The following LRRC71 variants were observed in gnomAD, a reference collection of about 807,000 sequenced individuals.
LRRC71 encodes leucine-rich repeat-containing protein 71.
Under a neutral mutation model 66.6 loss-of-function variants are expected in LRRC71, and 54 were observed. The observed-to-expected ratio is 0.81, with a 90% CI of 0.65 to 1.02. The LOEUF (loss-of-function observed/expected upper bound fraction) is 1.02. Ranked by LOEUF, LRRC71 falls within the 50% of genes least tolerant of loss-of-function variation. The probability of loss-of-function intolerance (pLI) is 0.00; values close to 1 mark genes in which losing one functional copy is unlikely to be tolerated. For synonymous variants in LRRC71, 323 were observed against 303.9 expected (o/e 1.06, Z -0.65); for missense variants, 724 against 718.0 (o/e 1.01, Z -0.10).
downstream of LRRC71, chr1:156,937,203 GTGA>G (rs1279935494): frequency 6.2e-7 from 1 of 1,611,660 alleles, no homozygotes; most frequent in East Asian, 2.2e-5. Flanking sequence ...TGGTTTTGGG[GTGA>G]TGGACTGAAG....
chr1:156,936,525 T>TATATATATATATAA (rs1281791788), downstream of LRRC71, among the ~76,000 whole-genome samples: 1 of 110,510 alleles, frequency 9.0e-6, no homozygotes, highest in South Asian at 2.9e-4. Flanking sequence ...TATATATATA[T>TATATATATATATAA]AAAATTAAAA....
chr1:156,929,253 C>T (rs751680137), intron 9 of LRRC71, 27 bp from the exon 10 acceptor site: 17 of 1,580,760 alleles, frequency 1.1e-5, no homozygotes, highest in East Asian at 9.3e-5. Flanking sequence ...GGCTTCTTCC[C>T]CCCTTCCCTC....
In LRRC71 at chr1:156,920,786, G is replaced by A. The variant is rs941522743; in HGVS notation, c.-18G>A. Reference sequence around the variant, plus strand: ...CTGCCCCGACGAAGGTCCCAGAGACGCTGCGGACAACACCAGCATGTCGAG... The same window carrying A: ...CTGCCCCGACGAAGGTCCCAGAGACACTGCGGACAACACCAGCATGTCGAG... On this transcript the variant is annotated 5_prime_UTR_variant, in exon 1 of 15. Transcript: ENST00000337428. The surrounding 1 kb of genome is among the most constrained non-coding windows in gnomAD (Gnocchi z 4.9). The A allele has an allele frequency of 3.3e-6, 5 of 1,495,220 alleles. No individual in the cohort carries two copies. Among genetic ancestry groups the A allele is most frequent in the Non-Finnish European group, 4.5e-6 (5 of 1,118,246 alleles). 92.6% of individuals were successfully genotyped at this position (1,495,220 alleles called of 1,614,324 possible). A position where few individuals can be genotyped will look rare whatever the true frequency, so the allele number is the denominator to read the frequency against.
At position 156,920,848 on chromosome 1, in the gene LRRC71, G is replaced by C. The variant is rs1056118904; in HGVS notation, c.45G>C (p.Pro15=). ...CGCCGGGGGCCTCACCCAGGGCCCC[G>C]CGTCCGGGGACCCAGAAGTCTTCTG... ...QSAPGASPRA[P]RPGTQKSSGA... Residue 15 remains proline (P), a synonymous_variant, in exon 1 of 15, where the codon CCG becomes CCC. Transcript: ENST00000337428. The surrounding 1 kb of genome is among the most constrained non-coding windows in gnomAD (Gnocchi z 4.9). The C allele has an allele frequency of 6.5e-7, 1 of 1,537,178 alleles. No homozygotes were observed. Among genetic ancestry groups the C allele is most frequent in the East Asian group, 2.5e-5 (1 of 40,214 alleles).
downstream of LRRC71, chr1:156,935,956 C>T (rs1329429250): frequency 5.0e-6 from 8 of 1,590,342 alleles, no homozygotes; most frequent in Non-Finnish European, 6.0e-6. Context: ...AGGCCAGTCC[C>T]TGAAGGAGGA....
At chr1:156,929,473 G>C in intron 10 of LRRC71, 44 bp downstream of exon 10, 2 of 1,612,252 alleles carry the variant, frequency 1.2e-6, no homozygotes, top group Non-Finnish European at 1.7e-6. Context: ...GACGGACAGG[G>C]GAGGGGGCTT....
intron 13 of LRRC71, 76 bp downstream of exon 13, chr1:156,932,103 G>A (rs909185357): frequency 1.5e-5 from 18 of 1,162,014 alleles, no homozygotes; most frequent in Non-Finnish European, 2.1e-5. Context: ...TGTTTACCCC[G>A]ACTCTATGGA....
chr1:156,923,848 A>G (rs1652762031), intron 1 of LRRC71, 101 bp from the exon 2 acceptor site: 6 of 1,258,230 alleles, frequency 4.8e-6, no homozygotes, highest in Non-Finnish European at 6.4e-6. Flanking sequence ...AATGGCTGCA[A>G]AAATATCCGT....
the LRRC71 span, chr1:156,940,060 G>A: frequency 7.1e-7 from 1 of 1,414,342 alleles, no homozygotes; most frequent in Non-Finnish European, 9.4e-7. Flanking sequence ...GGGGTTGGGT[G>A]GGGAATGACA....
chr1:156,922,870 G>A (rs373854759), intron 1 of LRRC71, among the ~76,000 whole-genome samples: 4 of 152,276 alleles, frequency 2.6e-5, no homozygotes, highest in East Asian at 1.9e-4. Context: ...GAGAAGGGAG[G>A]TATGAGTGAA....
chr1:156,928,351 C>CTCTTCCTCTTCT (rs1653571640), intron 9 of LRRC71, among the ~76,000 whole-genome samples: 1 of 71,968 alleles, frequency 1.4e-5, no homozygotes, highest in African/African-American at 5.0e-5. Context: ...TTCTTTCTTT[C>CTCTTCCTCTTCT]TCTTCTTCTT....
chr1:156,936,115 T>C (rs769764444), downstream of LRRC71: 6 of 1,552,122 alleles, frequency 3.9e-6, no homozygotes, highest in Non-Finnish European at 5.3e-6. Context: ...CGCTTCCACA[T>C]GTTTTGTCTA....
At chr1:156,926,568 C>A (rs1473317968) in intron 5 of LRRC71, among the ~76,000 whole-genome samples, 3 of 133,118 alleles carry the variant, frequency 2.3e-5, no homozygotes, top group African/African-American at 6.2e-5. Context: ...CTCCACCCCA[C>A]CCCCCACCTC....
chr1:156,924,026 A>G lies in LRRC71; in HGVS notation c.238A>G (p.Lys80Glu). ...GCGGTGGGGCTACACGGACTTCCCC[A>G]AAGTTGTCAACCGGCCCCGCCCCCA... ...CTRWGYTDFP[K>E]VVNRPRPHPP... is the part of the protein sequence containing the mutation. Residue 80 changes from lysine (K) to glutamate (E), a missense_variant, in exon 2 of 15, where the codon AAA becomes GAA. By Grantham distance (56) the Lys-to-Glu change is moderately conservative. Transcript: ENST00000337428. 3 of 1,548,634 alleles carry G rather than the reference A, an allele frequency of 1.9e-6. No homozygotes were observed. The highest frequency in any genetic ancestry group is 2.6e-6 in the Non-Finnish European group (3 of 1,146,200).
chr1:156,936,493 A>ATATATAT (rs1481502478), downstream of LRRC71, among the ~76,000 whole-genome samples: 60 of 62,362 alleles, frequency 9.6e-4, no homozygotes, highest in East Asian at 6.6e-3. Context: ...AAAAAAAAAA[A>ATATATAT]AAAAATATAT....
Position 156,920,760 on chromosome 1 carries a change from C to T in LRRC71, c.-44C>T. ...GCCCCGTAGAGTGCGTTCTTACCTT[C>T]CTGCCCCGACGAAGGTCCCAGAGAC... On this transcript the variant is annotated 5_prime_UTR_variant, in exon 1 of 15. Transcript: ENST00000337428. This position sits in a 1 kb window ranked among gnomAD's most constrained non-coding sequence, Gnocchi z 4.9. The T allele has an allele frequency of 2.5e-5, 37 of 1,466,756 alleles. No individual in the cohort carries two copies. Among genetic ancestry groups the T allele is most frequent in the Non-Finnish European group, 3.3e-5 (37 of 1,105,616 alleles). 90.9% of individuals were successfully genotyped at this position (1,466,756 alleles called of 1,614,324 possible).
intron 13 of LRRC71, 44 bp downstream of exon 13, chr1:156,932,071 C>G: frequency 6.7e-7 from 1 of 1,482,014 alleles, no homozygotes; most frequent in Non-Finnish European, 9.2e-7. Context: ...TGAGGCTACC[C>G]GGGCCCTGTC....
chr1:156,923,181 C>T (rs1652653451), intron 1 of LRRC71, among the ~76,000 whole-genome samples: 1 of 152,196 alleles, frequency 6.6e-6, no homozygotes, highest in Non-Finnish European at 1.5e-5. Context: ...CAGCACCTGC[C>T]CCTGTGGCCA....
the LRRC71 span, chr1:156,940,433 G>T: frequency 6.3e-7 from 1 of 1,593,074 alleles, no homozygotes. Context: ...TGCCTGTTTC[G>T]GATGAGAGAA....
Sources: gnomAD v4.1 joint callset for allele counts (sites outside exome capture counted in the v4.1 genomes callset) on GRCh38, gnomAD v4.1.1 for gene constraint, Gnocchi (gnomAD v3.1) non-coding constraint, MANE v1.5 for transcripts, NCBI Gene and HGNC (gene_info 2026-07-23, HGNC 2026-07-21) for gene names.